Variants in BCAS3 observed in about 807,000 individuals in gnomAD.
BCAS3 encodes BCAS3 microtubule associated cell migration factor.
In BCAS3, 53 loss-of-function variants were observed where a neutral mutation model predicts 116.1. The ratio of observed to expected loss-of-function variants is 0.46; its 90% CI spans 0.37 to 0.57. BCAS3 has a LOEUF of 0.57. BCAS3 is among the 20% of genes least tolerant of loss of function. The pLI is 0.00. For missense variants in BCAS3, 917 were observed against 1,165.4 expected (o/e 0.79, Z 3.10); for synonymous variants, 391 against 408.2 (o/e 0.96, Z 0.51).
chr17:61,080,434 G>A (rs1051769028), intron 21 of BCAS3, among the ~76,000 whole-genome samples: 2 of 151,872 alleles, frequency 1.3e-5, no homozygotes, highest in Non-Finnish European at 2.9e-5. Flanking sequence ...GCTTTCCCCT[G>A]ACTGATGTAT....
intron 19 of BCAS3, among the ~76,000 whole-genome samples, chr17:61,060,148 ACAGAGT>A (rs778934675): frequency 6.6e-6 from 1 of 151,924 alleles, no homozygotes; most frequent in Non-Finnish European, 1.5e-5. Flanking sequence ...ATTTTTTGAG[ACAGAGT>A]CTTGCTCTGT....
intron 7 of BCAS3, among the ~76,000 whole-genome samples, chr17:60,833,171 T>G (rs1162089000): frequency 6.6e-6 from 1 of 152,174 alleles, no homozygotes; most frequent in African/African-American, 2.4e-5. Context: ...CTGGCCCATT[T>G]TATATATTCT....
rs766914891 is a variant in BCAS3 at position 61,065,669 on chromosome 17, A to C, written c.2030-9251A>C. The stretch of plus-strand genomic sequence containing the variant: ...CTCCACTAAAAACTTTCACGTGCTA[A>C]GGGTTTTATTGTTTGTGGAGGAAGG... On this transcript the variant is annotated intron_variant, in intron 19 of 23. Transcript: ENST00000407086. The surrounding 1 kb of genome is among the most constrained non-coding windows in gnomAD (Gnocchi z 4.8). Among the ~76,000 whole-genome samples, 8 of 152,194 alleles carry C rather than the reference A, an allele frequency of 5.3e-5. No homozygotes were observed. The highest frequency in any genetic ancestry group is 8.8e-5 in the Non-Finnish European group (6 of 68,030).
chr17:60,696,223 G>A (rs2035575509), intron 4 of BCAS3: 1 of 152,254 alleles, frequency 6.6e-6, no homozygotes, highest in Non-Finnish European at 1.5e-5. Flanking sequence ...GCCTATCCCT[G>A]TGCTTGATGG....
At chr17:61,331,918 GC>G (rs2143121044) in intron 22 of BCAS3, among the ~76,000 whole-genome samples, 1 of 152,284 alleles carries the variant, frequency 6.6e-6, no homozygotes, top group Non-Finnish European at 1.5e-5. Flanking sequence ...CCATAACTGA[GC>G]CCATGATGGG....
intron 14 of BCAS3, among the ~76,000 whole-genome samples, chr17:60,988,360 T>TTA (rs1555651709): frequency 3.7e-5 from 5 of 134,818 alleles, no homozygotes; most frequent in East Asian, 2.1e-4. Context: ...TTTTTTTTTT[T>TTA]ATGTATGTGT....
intron 19 of BCAS3, among the ~76,000 whole-genome samples, chr17:61,044,446 CAA>C (rs1223902392): frequency 3.7e-4 from 31 of 82,822 alleles, no homozygotes; most frequent in Middle Eastern, 5.5e-3. Flanking sequence ...GACTCTGTCT[CAA>C]AAAAAAAAAA....
chr17:61,288,550 A>G (rs2052061417), intron 22 of BCAS3, among the ~76,000 whole-genome samples: 1 of 152,140 alleles, frequency 6.6e-6, no homozygotes, highest in African/African-American at 2.4e-5. Flanking sequence ...TTGATCTTTT[A>G]AAAGTTGAAG....
Position 61,068,211 on chromosome 17 carries a change from C to T in BCAS3, c.2030-6709C>T, listed in dbSNP as rs1205678329. On this transcript the variant is annotated intron_variant, in intron 19 of 23. Coordinates refer to ENST00000407086, the MANE Select transcript of BCAS3 (RefSeq NM_017679.5). The surrounding 1 kb of genome is among the most constrained non-coding windows in gnomAD (Gnocchi z 4.3). ...GAACTTGGATTTGCAAGATATGTAA[C>T]TTTATTTTTCTTTAAATAAACTCTA... is the stretch of plus-strand genomic sequence containing the variant. 2.0e-5 allele frequency among the ~76,000 whole-genome samples: 3 copies of T among 152,116 alleles called. No homozygotes were observed. Among genetic ancestry groups the T allele is most frequent in the Admixed American group, 6.6e-5 (1 of 15,264 alleles).
At chr17:60,755,520 T>C (rs1333863965) in intron 6 of BCAS3, among the ~76,000 whole-genome samples, 2 of 152,224 alleles carry the variant, frequency 1.3e-5, no homozygotes, top group East Asian at 3.8e-4. Flanking sequence ...CCCTGTTCCC[T>C]GAAGATACTC....
At chr17:60,840,651 G>A (rs908991335) in intron 7 of BCAS3, among the ~76,000 whole-genome samples, 7 of 152,034 alleles carry the variant, frequency 4.6e-5, no homozygotes, top group African/African-American at 1.7e-4. Context: ...CGTAGAAACC[G>A]TTGGATCTGA....
At position 61,235,516 on chromosome 17, in the gene BCAS3, A is replaced by G. The variant is rs1167557072; in HGVS notation, c.2426-132811A>G. On this transcript the variant is annotated intron_variant, in intron 22 of 23. Transcript: ENST00000407086. This position sits in a 1 kb window ranked among gnomAD's most constrained non-coding sequence, Gnocchi z 5.0. ...ACAAGGGCTTAATTTCATTCCAAACAGATTGTGAGGTGACTACGTAGTACA... is the reference window on the plus strand; with the variant it reads ...ACAAGGGCTTAATTTCATTCCAAACGGATTGTGAGGTGACTACGTAGTACA... Among the ~76,000 whole-genome samples the G allele has an allele frequency of 2.0e-5, 3 of 152,210 alleles. No individual in the cohort carries two copies. The highest frequency in any genetic ancestry group is 4.4e-5 in the Non-Finnish European group (3 of 68,036).
chr17:61,366,001 G>T lies in BCAS3; in HGVS notation c.2426-2326G>T, dbSNP rs1236349625. Among the ~76,000 whole-genome samples, 1 of 152,062 alleles carries T rather than the reference G, an allele frequency of 6.6e-6. No individual in the cohort carries two copies. Among genetic ancestry groups the T allele is most frequent in the African/African-American group, 2.4e-5 (1 of 41,394 alleles). ...CTACTAAAAACACAAAAATTAGCCA[G>T]GCATGATGGCACATGCTTGTAGTCC... On this transcript the variant is annotated intron_variant, in intron 22 of 23. Coordinates refer to ENST00000407086, the MANE Select transcript of BCAS3 (RefSeq NM_017679.5). The surrounding 1 kb of genome is among the most constrained non-coding windows in gnomAD (Gnocchi z 4.5).
In BCAS3 at chr17:61,356,056, G is replaced by A. The variant is rs577512535; in HGVS notation, c.2426-12271G>A. Among the ~76,000 whole-genome samples the A allele has an allele frequency of 4.6e-5, 7 of 152,208 alleles. No individual in the cohort carries two copies. The highest frequency in any genetic ancestry group is 8.8e-5 in the Non-Finnish European group (6 of 68,014). On this transcript the variant is annotated intron_variant, in intron 22 of 23. Coordinates refer to ENST00000407086, the MANE Select transcript of BCAS3 (RefSeq NM_017679.5). The surrounding 1 kb of genome is among the most constrained non-coding windows in gnomAD (Gnocchi z 5.4). Reference sequence around the variant, plus strand: ...GTGGCCCAGGCTGGAGTACAATGGCGCAATCTCGGCCCACTGCAACCTCCG... The same window carrying A: ...GTGGCCCAGGCTGGAGTACAATGGCACAATCTCGGCCCACTGCAACCTCCG...
At chr17:60,693,460 G>A (rs1224617181) in intron 4 of BCAS3, among the ~76,000 whole-genome samples, 1 of 151,236 alleles carries the variant, frequency 6.6e-6, no homozygotes, top group Admixed American at 6.6e-5. Context: ...CCAGGCTGGA[G>A]TGCAGTGGCC....
rs554780967 is a variant in BCAS3 at position 61,229,094 on chromosome 17, T to G, written c.2426-139233T>G. 6.6e-6 allele frequency among the ~76,000 whole-genome samples: 1 copy of G among 152,260 alleles called. No homozygotes were observed. Among genetic ancestry groups the G allele is most frequent in the East Asian group, 1.9e-4 (1 of 5,180 alleles). On this transcript the variant is annotated intron_variant, in intron 22 of 23. Coordinates refer to ENST00000407086, the MANE Select transcript of BCAS3 (RefSeq NM_017679.5). The surrounding 1 kb of genome is among the most constrained non-coding windows in gnomAD (Gnocchi z 4.4). ...TGGCAGATAAAACCAACCACAACATTTCTCAAACTGTTGGCCTCAAGCAAT... is the reference window on the plus strand; with the variant it reads ...TGGCAGATAAAACCAACCACAACATGTCTCAAACTGTTGGCCTCAAGCAAT...
chr17:61,186,242 A>G lies in BCAS3; in HGVS notation c.2425+101678A>G, dbSNP rs2079768111. ...TTGTCTTTGATATGATAGCTTATTTATATATTCATACACATTCTATAAAAC... is the reference window on the plus strand; with the variant it reads ...TTGTCTTTGATATGATAGCTTATTTGTATATTCATACACATTCTATAAAAC... On this transcript the variant is annotated intron_variant, in intron 22 of 23. Coordinates refer to ENST00000407086, the MANE Select transcript of BCAS3 (RefSeq NM_017679.5). This position sits in a 1 kb window ranked among gnomAD's most constrained non-coding sequence, Gnocchi z 4.9. 6.6e-6 allele frequency among the ~76,000 whole-genome samples: 1 copy of G among 152,174 alleles called. No homozygotes were observed. The highest frequency in any genetic ancestry group is 1.5e-5 in the Non-Finnish European group (1 of 68,028).
intron 22 of BCAS3, among the ~76,000 whole-genome samples, chr17:61,253,171 C>T (rs958690506): frequency 1.3e-5 from 2 of 151,774 alleles, no homozygotes; most frequent in Non-Finnish European, 2.9e-5. Context: ...CCACTGAGCC[C>T]GGCCCGTTGC....
chr17:61,114,611 C>T (rs375853100), intron 22 of BCAS3, among the ~76,000 whole-genome samples: 1 of 151,914 alleles, frequency 6.6e-6, no homozygotes. Flanking sequence ...AATGGAAGAA[C>T]ATTCCATGCT....
Sources: gnomAD v4.1 joint callset for allele counts (sites outside exome capture counted in the v4.1 genomes callset) on GRCh38, gnomAD v4.1.1 for gene constraint, Gnocchi (gnomAD v3.1) non-coding constraint, MANE v1.5 for transcripts, NCBI Gene and HGNC (gene_info 2026-07-23, HGNC 2026-07-21) for gene names.